TMC2: variants seen among roughly 807,000 people sequenced by gnomAD.
The protein encoded by TMC2 is transmembrane channel-like protein 2.
TMC2 carries 102 observed loss-of-function variants against 105.9 expected under a neutral mutation model. The ratio of observed to expected loss-of-function variants is 0.96; its 90% CI spans 0.82 to 1.14. TMC2 has a LOEUF of 1.14. Ranked by LOEUF, TMC2 falls within the 50% of genes most tolerant of loss-of-function variation. The probability of loss-of-function intolerance (pLI) is 0.00; values close to 1 mark genes in which losing one functional copy is unlikely to be tolerated. For missense variants in TMC2, 1,093 were observed against 1,134.3 expected, an observed-to-expected ratio of 0.96 and a Z score of 0.52; for synonymous variants, 402 against 422.8, an observed-to-expected ratio of 0.95 and a Z score of 0.60.
At position 2,602,249 on chromosome 20, in the gene TMC2, G is replaced by C. The variant is rs201251146; in HGVS notation, c.1361G>C (p.Arg454Pro). The change falls in exon 11 of 20, where the codon CGA becomes CCA. Residue 454 changes from arginine to proline, a missense_variant. By Grantham distance (103) the Arg-to-Pro change is moderately radical. Transcript: ENST00000358864. ...SGYLIYFVVK[R>P]SQQFSKMQNV... ...TACCTCATTTACTTTGTGGTTAAGC[G>C]ATCTCAGCAATTCTCCAAAATGCAG... 1 of 1,611,326 alleles carries C rather than the reference G, an allele frequency of 6.2e-7. No individual in the cohort carries two copies. The highest frequency in any genetic ancestry group is 2.2e-5 in the East Asian group (1 of 44,712).
At position 2,602,176 on chromosome 20, in the gene TMC2, C is replaced by T. The variant is rs1461476053; in HGVS notation, c.1288C>T (p.Arg430Cys). The T allele has an allele frequency of 2.5e-6, 4 of 1,613,226 alleles. No homozygotes were observed. Among genetic ancestry groups the T allele is most frequent in the South Asian group, 2.2e-5 (2 of 90,924 alleles). Residue 430 changes from arginine (R) to cysteine (C), a missense_variant, in exon 11 of 20, where the codon CGT (arginine) becomes TGT (cysteine). Arg to Cys is a radical substitution (Grantham distance 180, BLOSUM62 -3). Coordinates refer to ENST00000358864, the MANE Select transcript of TMC2 (RefSeq NM_080751.3). ...AAATATCCATCTGACAAGATTTCTT[C>T]GTGTCCTGGCCAACTTTCTCATCAT... ...EENIHLTRFL[R>C]VLANFLIICC...
intron 16 of TMC2, among the ~76,000 whole-genome samples, chr20:2,623,556 G>C (rs1051387020): frequency 6.6e-6 from 1 of 151,406 alleles, no homozygotes; most frequent in African/African-American, 2.4e-5. Context: ...AAAAGACAGA[G>C]AGAGAGAGAA....
rs567784058 is a variant in TMC2 at position 2,595,684 on chromosome 20, G to T, written c.1076+717G>T. Among the ~76,000 whole-genome samples the T allele has an allele frequency of 9.9e-5, 15 of 152,194 alleles. No homozygotes were observed. The South Asian group carries it at 2.5e-3, about 25-fold the overall frequency. ...GTGGCTGGGGGTCACGGAGTGGAAG[G>T]CACTGTCTCCTACACAAACCTATCC... is the stretch of plus-strand genomic sequence containing the variant. On this transcript the variant is annotated intron_variant, in intron 9 of 19. Coordinates refer to ENST00000358864, the MANE Select transcript of TMC2 (RefSeq NM_080751.3).
At position 2,642,550 on chromosome 20, in the gene TMC2, C is replaced by G. The variant is rs112586460; in HGVS notation, c.*1199C>G. On this transcript the variant is annotated 3_prime_UTR_variant, in exon 20 of 20. Transcript: ENST00000358864. ...GAAGAGTTTTGCAAAAGGTACAATG[C>G]AGAGCGTTGTCTCTGGGGATTCTAT... is the stretch of plus-strand genomic sequence containing the variant. Among the ~76,000 whole-genome samples the G allele has an allele frequency of 6.6e-6, 1 of 152,324 alleles. No individual in the cohort carries two copies. Among genetic ancestry groups the G allele is most frequent in the African/African-American group, 2.4e-5 (1 of 41,566 alleles).
chr20:2,618,959 G>T (rs2086504797), intron 16 of TMC2, among the ~76,000 whole-genome samples: 1 of 152,116 alleles, frequency 6.6e-6, no homozygotes, highest in East Asian at 1.9e-4. Flanking sequence ...GGTGAGGCAG[G>T]TGAGTGACGC....
intron 4 of TMC2, among the ~76,000 whole-genome samples, chr20:2,571,483 T>G (rs189092840): frequency 6.6e-6 from 1 of 152,100 alleles, no homozygotes; most frequent in African/African-American, 2.4e-5. Flanking sequence ...TGGCTATTAT[T>G]AAAAAGTCAA....
intron 2 of TMC2, among the ~76,000 whole-genome samples, chr20:2,552,130 C>T (rs185891898): frequency 3.9e-5 from 6 of 152,060 alleles, no homozygotes; most frequent in Admixed American, 1.3e-4. Flanking sequence ...GGTTAGTGTG[C>T]ACCTGTAGTC....
rs761235401 is a variant in TMC2 at position 2,624,299 on chromosome 20, C to T, written c.2209C>T (p.Gln737Ter). Residue 737 changes from glutamine (Q) to a stop codon, truncating the protein, a stop_gained, in exon 17 of 20, where the codon CAA (glutamine) becomes TAA (stop). Transcript: ENST00000358864. LOFTEE classifies it high-confidence loss of function. ...SGKNRMYDVL[Q>*]ETIENDFPTF... ...GAAAAACAGAATGTACGATGTCCTC[C>T]AAGAGACCATTGAAAACGATTTCCC... 2 of 1,614,152 alleles carry T rather than the reference C, an allele frequency of 1.2e-6. No individual in the cohort carries two copies. Among genetic ancestry groups the T allele is most frequent in the Non-Finnish European group, 1.7e-6 (2 of 1,179,996 alleles).
rs2086314529 is a variant in TMC2 at position 2,597,187 on chromosome 20, G to C, written c.1113G>C (p.Gly371=). ...ATACCCAAGGAAGCACAGGCGAAGG[G>C]GAGAGTGACAACTTCACATTCAGCT... ...ASNTQGSTGE[G]ESDNFTFSFK... is the part of the protein sequence containing the mutation. Residue 371 remains glycine (G), a synonymous_variant, in exon 10 of 20, where the codon GGG becomes GGC. Transcript: ENST00000358864. 5 of 1,614,088 alleles carry C rather than the reference G, an allele frequency of 3.1e-6. No individual in the cohort carries two copies. Among genetic ancestry groups the C allele is most frequent in the Non-Finnish European group, 4.2e-6 (5 of 1,179,972 alleles).
intron 16 of TMC2, among the ~76,000 whole-genome samples, chr20:2,623,510 C>T (rs1188299997): frequency 6.6e-6 from 1 of 151,372 alleles, no homozygotes; most frequent in Non-Finnish European, 1.5e-5. Flanking sequence ...TGCACTCAAG[C>T]CTGGGTGTCA....
intron 8 of TMC2, among the ~76,000 whole-genome samples, chr20:2,594,235 T>TTTTTTTTTTTTG: frequency 6.8e-6 from 1 of 146,738 alleles, no homozygotes; most frequent in Non-Finnish European, 1.5e-5. Context: ...CTTTTTTTTT[T>TTTTTTTTTTTTG]TTTTTTTTTT....
chr20:2,610,299 T>C, intron 11 of TMC2, 120 bp from the exon 12 acceptor site: 1 of 925,674 alleles, frequency 1.1e-6, no homozygotes, highest in Non-Finnish European at 1.6e-6. Context: ...CCCCAGGGCA[T>C]CTCCAGGCGC....
intron 7 of TMC2, among the ~76,000 whole-genome samples, chr20:2,588,469 G>C (rs1279841692): frequency 6.6e-6 from 1 of 152,164 alleles, no homozygotes; most frequent in Non-Finnish European, 1.5e-5. Context: ...CTAATAAATG[G>C]TGTTGCTTTA....
In TMC2 at chr20:2,555,438, TA is replaced by T. The variant is rs758361750; in HGVS notation, c.83-3016del. On this transcript the variant is annotated intron_variant, in intron 2 of 19. Transcript: ENST00000358864. ...CTCTGAAATCTGCTTTGTCTGAAAT[TA>T]ATACAATTGCTCAAGCTTTTTTTTT... Among the ~76,000 whole-genome samples the T allele has an allele frequency of 2.2e-4, 34 of 152,152 alleles. 1 individual carries two copies. The highest frequency in any genetic ancestry group is 3.8e-4 in the Non-Finnish European group (26 of 68,026).
At chr20:2,589,199 A>G (rs1172575918) in intron 7 of TMC2, among the ~76,000 whole-genome samples, 1 of 147,378 alleles carries the variant, frequency 6.8e-6, no homozygotes, top group Non-Finnish European at 1.5e-5. Context: ...GTCTAATTTT[A>G]CTTTCTGAGT....
At chr20:2,640,624 G>A (rs996766493) in intron 19 of TMC2, among the ~76,000 whole-genome samples, 5 of 152,122 alleles carry the variant, frequency 3.3e-5, no homozygotes, top group Admixed American at 3.3e-4. Flanking sequence ...TCCAGCACAG[G>A]CCACACTCAT....
At chr20:2,629,639 G>A (rs996708) in intron 17 of TMC2, among the ~76,000 whole-genome samples, 120,563 of 152,110 alleles carry the variant, frequency 0.79, 47,970 homozygotes, top group East Asian at 0.87. Flanking sequence ...TCCTTCAGAC[G>A]GAGGTAGGCC....
At chr20:2,564,663 G>A (rs2086051988) in intron 4 of TMC2, among the ~76,000 whole-genome samples, 1 of 152,192 alleles carries the variant, frequency 6.6e-6, no homozygotes, top group African/African-American at 2.4e-5. Flanking sequence ...CAGGGACCGT[G>A]ACAATCCCTG....
Position 2,612,328 on chromosome 20 carries a change from A to G in TMC2, c.1731A>G (p.Thr577=), listed in dbSNP as rs776904054. 3 of 1,575,680 alleles carry G rather than the reference A, an allele frequency of 1.9e-6. No individual in the cohort carries two copies. In the South Asian group the frequency reaches 3.5e-5, roughly 19 times the overall value. Residue 577 remains threonine (T), a synonymous_variant, in exon 13 of 20, where the codon ACA becomes ACG. Coordinates refer to ENST00000358864, the MANE Select transcript of TMC2 (RefSeq NM_080751.3). ...TGCCCCGGGGTTCTTGCTGGGAGAC[A>G]GCTGTGGGCATTGTGAGTAGTTACA... ...ADVPRGSCWE[T]AVGIEFMRLT... is the part of the protein sequence containing the mutation.
Sources: gnomAD v4.1 joint callset for allele counts (sites outside exome capture counted in the v4.1 genomes callset) on GRCh38, gnomAD v4.1.1 for gene constraint, MANE v1.5 for transcripts, NCBI Gene and HGNC (gene_info 2026-07-23, HGNC 2026-07-21) for gene names.